The following GOLM2 variants were observed in gnomAD, a reference collection of about 807,000 sequenced individuals.
The protein encoded by GOLM2 is golgi membrane protein 2.
GOLM2 carries 26 observed loss-of-function variants against 55.9 expected under a neutral mutation model. The observed-to-expected ratio is 0.47, with a 90% CI of 0.34 to 0.65. The LOEUF is 0.65. Ranked by LOEUF, GOLM2 falls within the 30% of genes least tolerant of loss-of-function variation. The pLI, the probability that GOLM2 is intolerant of heterozygous loss-of-function variation, is 0.01. For synonymous variants in GOLM2, 165 were observed against 194.6 expected, an observed-to-expected ratio of 0.85 and a Z score of 1.27; for missense variants, 486 against 531.8, an observed-to-expected ratio of 0.91 and a Z score of 0.85.
intron 6 of GOLM2, among the ~76,000 whole-genome samples, chr15:44,351,605 C>T (rs1247212046): frequency 7.8e-6 from 1 of 128,982 alleles, no homozygotes; most frequent in Non-Finnish European, 1.7e-5. Flanking sequence ...AAAACACAGA[C>T]AAACAAAGAA....
intron 6 of GOLM2, among the ~76,000 whole-genome samples, chr15:44,376,234 C>CA (rs2079364223): frequency 6.6e-6 from 1 of 152,032 alleles, no homozygotes; most frequent in Admixed American, 6.6e-5. Context: ...AACTCCGTCT[C>CA]AAAAAACAAA....
At chr15:44,319,093 G>A (rs1463207416) in intron 1 of GOLM2, among the ~76,000 whole-genome samples, 1 of 152,130 alleles carries the variant, frequency 6.6e-6, no homozygotes, top group Admixed American at 6.5e-5. Flanking sequence ...CGCCCATCAT[G>A]TCTGTAGAAC....
intron 8 of GOLM2, among the ~76,000 whole-genome samples, chr15:44,395,919 A>G (rs540957168): frequency 3.3e-5 from 5 of 152,338 alleles, no homozygotes. Flanking sequence ...CTTGAAAAGC[A>G]TGCAGGCTAG....
intron 8 of GOLM2, among the ~76,000 whole-genome samples, chr15:44,382,722 T>C (rs1197748031): frequency 6.6e-6 from 1 of 151,716 alleles, no homozygotes; most frequent in Non-Finnish European, 1.5e-5. Flanking sequence ...GTAAAGAAGG[T>C]GGTTGGAAAT....
chr15:44,344,846 T>C lies in GOLM2; in HGVS notation c.802+6529T>C, dbSNP rs529900067. On this transcript the variant is annotated intron_variant, in intron 6 of 9. Transcript: ENST00000299957. ...AGGCTGGAGTGCAGTGGCGCAATCTTGGCTCACTGCAAGCTCTGCCTCCTG... is the reference window on the plus strand; with the variant it reads ...AGGCTGGAGTGCAGTGGCGCAATCTCGGCTCACTGCAAGCTCTGCCTCCTG... Among the ~76,000 whole-genome samples, 22 of 150,114 alleles carry C rather than the reference T, an allele frequency of 1.5e-4. No individual in the cohort carries two copies. The South Asian group carries it at 4.7e-3, about 32-fold the overall frequency.
chr15:44,302,956 AG>A (rs2078809232), intron 1 of GOLM2, among the ~76,000 whole-genome samples: 1 of 152,108 alleles, frequency 6.6e-6, no homozygotes, highest in African/African-American at 2.4e-5. Context: ...TACAAAAATT[AG>A]CCGGGCGTAG....
chr15:44,381,099 T>C, intron 8 of GOLM2, 123 bp downstream of exon 8: 1 of 548,086 alleles, frequency 1.8e-6, no homozygotes, highest in South Asian at 9.2e-5. Flanking sequence ...AAAGAGAAGG[T>C]ATGAAAGTGT....
chr15:44,297,179 T>C (rs2078762152), intron 1 of GOLM2, among the ~76,000 whole-genome samples: 1 of 152,208 alleles, frequency 6.6e-6, no homozygotes, highest in South Asian at 2.1e-4. Context: ...AAAAACGTCA[T>C]TCTGACTGCA....
At chr15:44,354,162 A>C (rs1347728689) in intron 6 of GOLM2, among the ~76,000 whole-genome samples, 1 of 152,112 alleles carries the variant, frequency 6.6e-6, no homozygotes, top group African/African-American at 2.4e-5. Context: ...TCTATTAACC[A>C]CTTCATCCAA....
intron 6 of GOLM2, among the ~76,000 whole-genome samples, chr15:44,363,118 A>G (rs2079254068): frequency 6.6e-6 from 1 of 152,178 alleles, no homozygotes; most frequent in South Asian, 2.1e-4. Context: ...ATTACCATTC[A>G]GGACATAGGC....
chr15:44,393,287 A>G (rs1467954347), intron 8 of GOLM2, among the ~76,000 whole-genome samples: 1 of 152,188 alleles, frequency 6.6e-6, no homozygotes, highest in African/African-American at 2.4e-5. Flanking sequence ...GATACCTTGA[A>G]AAGTTCTTAC....
At chr15:44,351,454 A>G (rs370434415) in intron 6 of GOLM2, among the ~76,000 whole-genome samples, 3 of 151,500 alleles carry the variant, frequency 2.0e-5, no homozygotes, top group African/African-American at 2.4e-5. Flanking sequence ...GCGGGTGCCT[A>G]TAGTCCCAGC....
At chr15:44,385,095 G>A (rs952823497) in intron 8 of GOLM2, among the ~76,000 whole-genome samples, 2 of 151,990 alleles carry the variant, frequency 1.3e-5, no homozygotes, top group African/African-American at 4.8e-5. Flanking sequence ...ATGTATATAT[G>A]GGTTGTTTCT....
At position 44,344,780 on chromosome 15, in the gene GOLM2, AT is replaced by A. The variant is rs201124610; in HGVS notation, c.802+6478del. Among the ~76,000 whole-genome samples, 281 of 141,220 alleles carry A rather than the reference AT, an allele frequency of 2.0e-3. 1 individual carries two copies. Among genetic ancestry groups the A allele is most frequent in the African/African-American group, 2.8e-3 (106 of 38,282 alleles). The allele number at this position is 141,220 out of a possible 152,430, so 92.6% of individuals were successfully genotyped here. On this transcript the variant is annotated intron_variant, in intron 6 of 9. Transcript: ENST00000299957. ...ACTTATTTATTTATTTATTTAATTA[AT>A]TTTTTTTTTTTTTTGAGTCGGAGTC...
At chr15:44,320,053 T>G (rs139381161) in intron 1 of GOLM2, among the ~76,000 whole-genome samples, 1 of 152,308 alleles carries the variant, frequency 6.6e-6, no homozygotes, top group African/African-American at 2.4e-5. Context: ...AAAGAAACCT[T>G]GTGCTCAACA....
chr15:44,311,766 C>T (rs2078876941), intron 1 of GOLM2, among the ~76,000 whole-genome samples: 1 of 152,122 alleles, frequency 6.6e-6, no homozygotes, highest in African/African-American at 2.4e-5. Context: ...TCTCCTGCCT[C>T]AGCCTCCCAA....
chr15:44,402,778 C>A, intron 8 of GOLM2, 109 bp from the exon 9 acceptor site: 3 of 963,504 alleles, frequency 3.1e-6, no homozygotes, highest in South Asian at 1.6e-5. Context: ...ATATCCAGTA[C>A]CCCAAAAGTT....
At chr15:44,405,084 A>T (rs766065282) in intron 9 of GOLM2, among the ~76,000 whole-genome samples, 15 of 152,116 alleles carry the variant, frequency 9.9e-5, no homozygotes, top group Non-Finnish European at 2.1e-4. Context: ...TTGTAAGTAG[A>T]TTTATTTTCA....
chr15:44,290,824 G>A (rs972185105), intron 1 of GOLM2, among the ~76,000 whole-genome samples: 2 of 151,974 alleles, frequency 1.3e-5, no homozygotes, highest in African/African-American at 2.4e-5. Flanking sequence ...TTTTTGAGAC[G>A]GAGTTTTGTT....
Sources: gnomAD v4.1 joint callset for allele counts (sites outside exome capture counted in the v4.1 genomes callset) on GRCh38, gnomAD v4.1.1 for gene constraint, MANE v1.5 for transcripts, NCBI Gene and HGNC (gene_info 2026-07-23, HGNC 2026-07-21) for gene names.